Variants in LRRC4C observed in about 807,000 individuals in gnomAD.
LRRC4C encodes the protein leucine-rich repeat-containing protein 4C.
In LRRC4C, 5 loss-of-function variants were observed where a neutral mutation model predicts 33.6. The ratio of observed to expected loss-of-function variants is 0.15; its 90% CI spans 0.08 to 0.31. LRRC4C has a LOEUF of 0.31. LRRC4C is among the 10% of genes least tolerant of loss of function. The probability of loss-of-function intolerance (pLI) is 1.00; values close to 1 mark genes in which losing one functional copy is unlikely to be tolerated. For synonymous variants in LRRC4C, 329 were observed against 302.0 expected, an observed-to-expected ratio of 1.09 and a Z score of -0.93; for missense variants, 560 against 796.7, an observed-to-expected ratio of 0.70 and a Z score of 3.58.
At chr11:41,192,255 C>T (rs1372402424) in intron 1 of LRRC4C, among the ~76,000 whole-genome samples, 3 of 151,966 alleles carry the variant, frequency 2.0e-5, no homozygotes, top group East Asian at 1.9e-4. Flanking sequence ...CCCAGGAGAG[C>T]ACATACTTAT....
intron 2 of LRRC4C, among the ~76,000 whole-genome samples, chr11:40,773,020 TA>T (rs1226751721): frequency 6.6e-6 from 1 of 152,112 alleles, no homozygotes; most frequent in Non-Finnish European, 1.5e-5. Context: ...CATTCAGTCA[TA>T]AAAAAGAGTG....
chr11:40,795,600 G>T (rs1591743002), intron 2 of LRRC4C, among the ~76,000 whole-genome samples: 1 of 152,252 alleles, frequency 6.6e-6, no homozygotes, highest in East Asian at 1.9e-4. Context: ...TATGCAGAAA[G>T]GCCCCAGAAG....
chr11:40,756,993 C>T (rs1056935226), intron 2 of LRRC4C, among the ~76,000 whole-genome samples: 2 of 151,984 alleles, frequency 1.3e-5, no homozygotes, highest in African/African-American at 2.4e-5. Flanking sequence ...TAGTAGCATC[C>T]TTTGCTTGGC....
intron 1 of LRRC4C, among the ~76,000 whole-genome samples, chr11:41,189,366 A>T (rs567215264): frequency 6.6e-6 from 1 of 152,200 alleles, no homozygotes; most frequent in South Asian, 2.1e-4. Flanking sequence ...AAAGGCTTTG[A>T]GGTGAGATAG....
intron 1 of LRRC4C, among the ~76,000 whole-genome samples, chr11:41,370,240 G>A (rs1045051818): frequency 6.6e-6 from 1 of 152,076 alleles, no homozygotes; most frequent in Non-Finnish European, 1.5e-5. Flanking sequence ...CTGAAGTACA[G>A]TGGAACAATC....
rs1952030299 is a variant in LRRC4C at position 40,454,259 on chromosome 11, A to T, written c.-269-134538T>A. On this transcript the variant is annotated intron_variant, in intron 3 of 6. Transcript: ENST00000528697. ...TGCTGATGTGCAACTTACCATAGTTAAAATATGATTTCAGAAAAGATTGAA... is the reference window on the plus strand; with the variant it reads ...TGCTGATGTGCAACTTACCATAGTTTAAATATGATTTCAGAAAAGATTGAA... Among the ~76,000 whole-genome samples the T allele has an allele frequency of 2.0e-5, 3 of 152,056 alleles. No homozygotes were observed. In the South Asian group the frequency reaches 6.2e-4, roughly 31 times the overall value.
chr11:41,043,698 T>A (rs1276992819), intron 1 of LRRC4C, among the ~76,000 whole-genome samples: 1 of 152,128 alleles, frequency 6.6e-6, no homozygotes, highest in Non-Finnish European at 1.5e-5. Flanking sequence ...AAATGAGCTA[T>A]TGTGTCCACA....
chr11:40,543,398 T>C (rs556665956), intron 3 of LRRC4C, among the ~76,000 whole-genome samples: 2 of 152,250 alleles, frequency 1.3e-5, no homozygotes, highest in South Asian at 2.1e-4. Flanking sequence ...TGCCAAACTA[T>C]ACACTCACCA....
intron 3 of LRRC4C, among the ~76,000 whole-genome samples, chr11:40,595,329 T>G (rs1002407160): frequency 6.6e-6 from 1 of 151,854 alleles, no homozygotes; most frequent in African/African-American, 2.4e-5. Flanking sequence ...AATATGAAAA[T>G]ATTATCGAAG....
intron 1 of LRRC4C, among the ~76,000 whole-genome samples, chr11:41,021,483 G>A (rs897823302): frequency 1.3e-5 from 2 of 152,018 alleles, no homozygotes; most frequent in Non-Finnish European, 2.9e-5. Flanking sequence ...TAAACCCTAA[G>A]TGGATGCAAG....
intron 2 of LRRC4C, among the ~76,000 whole-genome samples, chr11:40,678,135 CT>C (rs1310889315): frequency 2.0e-5 from 3 of 150,116 alleles, no homozygotes; most frequent in East Asian, 2.0e-4. Flanking sequence ...CATCACTTTT[CT>C]TTTTTTTTCA....
chr11:41,177,105 T>C (rs2136128744), intron 1 of LRRC4C, among the ~76,000 whole-genome samples: 1 of 152,218 alleles, frequency 6.6e-6, no homozygotes, highest in African/African-American at 2.4e-5. Context: ...CTACCATATC[T>C]TGAGGAAGAG....
At chr11:40,886,940 G>A (rs540160229) in intron 2 of LRRC4C, among the ~76,000 whole-genome samples, 24 of 143,794 alleles carry the variant, frequency 1.7e-4, no homozygotes, top group African/African-American at 6.1e-4. Context: ...ATACGTGTAC[G>A]TATATATACA....
At chr11:40,340,608 T>A (rs1343997167) in intron 3 of LRRC4C, among the ~76,000 whole-genome samples, 1 of 152,174 alleles carries the variant, frequency 6.6e-6, no homozygotes, top group African/African-American at 2.4e-5. Context: ...ACAAGTGCAG[T>A]GCAACATTCT....
At chr11:40,585,392 A>G (rs1958675943) in intron 3 of LRRC4C, among the ~76,000 whole-genome samples, 1 of 152,200 alleles carries the variant, frequency 6.6e-6, no homozygotes, top group African/African-American at 2.4e-5. Context: ...CCAGTGAGAA[A>G]CTAAGTAATA....
At chr11:40,803,720 G>A (rs536572310) in intron 2 of LRRC4C, among the ~76,000 whole-genome samples, 103 of 152,162 alleles carry the variant, frequency 6.8e-4, no homozygotes, top group African/African-American at 2.4e-3. Context: ...TGGTCCACCC[G>A]CCTCGGCCTC....
chr11:40,780,568 T>C (rs1257089065), intron 2 of LRRC4C, among the ~76,000 whole-genome samples: 3 of 152,272 alleles, frequency 2.0e-5, no homozygotes, highest in South Asian at 2.1e-4. Context: ...GCTACATTAA[T>C]GATGAATGAC....
chr11:40,206,951 C>CACAAACAA (rs369614534), intron 5 of LRRC4C, among the ~76,000 whole-genome samples: 337 of 151,960 alleles, frequency 2.2e-3, no homozygotes, highest in African/African-American at 7.6e-3. Flanking sequence ...TATGCACACT[C>CACAAACAA]ACAAACAAAC....
At chr11:40,399,084 A>G (rs1447970821) in intron 3 of LRRC4C, among the ~76,000 whole-genome samples, 1 of 152,160 alleles carries the variant, frequency 6.6e-6, no homozygotes, top group African/African-American at 2.4e-5. Flanking sequence ...TAGAATGATT[A>G]GAGTGTGTTC....
Sources: allele counts gnomAD v4.1 joint callset (sites outside exome capture counted in the v4.1 genomes callset), GRCh38; gene constraint gnomAD v4.1.1; transcripts MANE v1.5; gene names NCBI Gene and HGNC (gene_info 2026-07-23, HGNC 2026-07-21).